Variants in MEIS2 observed in about 807,000 individuals in gnomAD.
The protein encoded by MEIS2 is homeobox protein Meis2.
A neutral mutation model predicts 58.6 loss-of-function variants in MEIS2; 9 were observed. The observed-to-expected ratio is 0.15, with a 90% CI of 0.09 to 0.27. The LOEUF (loss-of-function observed/expected upper bound fraction) is 0.27. Ranked by LOEUF, MEIS2 falls within the 10% of genes least tolerant of loss-of-function variation. The pLI, the probability that MEIS2 is intolerant of heterozygous loss-of-function variation, is 1.00. For synonymous variants in MEIS2, 221 were observed against 228.4 expected (o/e 0.97, Z 0.29); for missense variants, 427 against 635.0 (o/e 0.67, Z 3.52).
At chr15:36,969,061 C>A (rs961891907) in intron 8 of MEIS2, among the ~76,000 whole-genome samples, 1 of 152,188 alleles carries the variant, frequency 6.6e-6, no homozygotes, top group African/African-American at 2.4e-5. Context: ...TATGACATTG[C>A]AGTCATTTTT....
intron 6 of MEIS2, among the ~76,000 whole-genome samples, chr15:37,087,144 C>T (rs758194939): frequency 2.6e-5 from 4 of 152,124 alleles, no homozygotes; most frequent in African/African-American, 4.8e-5. Context: ...CCGTGTATGA[C>T]TGAGCATTCA....
intron 7 of MEIS2, chr15:37,050,839 C>G (rs57391666): frequency 0.23 from 35,239 of 152,052 alleles, 4,326 homozygotes; most frequent in East Asian, 0.36. Flanking sequence ...TAAGACTAGT[C>G]AAAGTGAAAG....
intron 8 of MEIS2, among the ~76,000 whole-genome samples, chr15:37,000,326 G>T (rs2060674798): frequency 6.6e-6 from 1 of 152,144 alleles, no homozygotes; most frequent in African/African-American, 2.4e-5. Context: ...AAGCTAAATA[G>T]AAAATAAGGT....
At chr15:37,096,218 A>G (rs1567295294) in intron 3 of MEIS2, 71 bp downstream of exon 3, 5 of 1,460,108 alleles carry the variant, frequency 3.4e-6, no homozygotes, top group Non-Finnish European at 4.6e-6. Flanking sequence ...CCTCCTTTCA[A>G]GTAAAGCTCC....
chr15:37,090,906 T>A (rs953071798), intron 6 of MEIS2, among the ~76,000 whole-genome samples: 1 of 152,132 alleles, frequency 6.6e-6, no homozygotes, highest in East Asian at 1.9e-4. Context: ...CAGATCAGAA[T>A]AGTGGGCCAA....
intron 7 of MEIS2, among the ~76,000 whole-genome samples, chr15:37,064,165 T>C (rs372651121): frequency 2.0e-5 from 3 of 152,194 alleles, no homozygotes; most frequent in African/African-American, 7.2e-5. Context: ...ACTTAAGATA[T>C]CAAAAGAGAG....
At chr15:36,901,418 T>G (rs2056464533) in intron 9 of MEIS2, among the ~76,000 whole-genome samples, 1 of 152,212 alleles carries the variant, frequency 6.6e-6, no homozygotes, top group East Asian at 1.9e-4. Context: ...TAAGGCAAGC[T>G]TAATGCCTTT....
In MEIS2 at chr15:37,095,611, G is replaced by A; in HGVS notation, c.391C>T (p.Arg131Cys). The A allele has an allele frequency of 6.2e-7, 1 of 1,614,182 alleles. No individual in the cohort carries two copies. The change falls in exon 4 of 12, where the codon CGC (arginine) becomes TGC (cysteine). Residue 131 changes from arginine to cysteine, a missense_variant. Physicochemically the swap from Arg to Cys is radical, Grantham distance 180. Around this residue, in one of 6 missense-constraint regions of MEIS2, gnomAD observed 138 missense variants for 263.0 expected, o/e 0.52. Coordinates refer to ENST00000561208, the MANE Select transcript of MEIS2 (RefSeq NM_170675.5). Reference protein sequence around the residue: ...EDIAVFAKQVRAEKPLFSSNP... With the variant: ...EDIAVFAKQVCAEKPLFSSNP... ...GAGGAAAAAAGTGGCTTTTCGGCGC[G>A]AACCTGTAAGAAACAGAGAGTCAAC...
At chr15:37,078,888 A>T (rs1012387203) in intron 7 of MEIS2, among the ~76,000 whole-genome samples, 9 of 152,080 alleles carry the variant, frequency 5.9e-5, no homozygotes, top group African/African-American at 2.2e-4. Flanking sequence ...GAAATCCCAA[A>T]TCTGGGTTTC....
At chr15:37,056,576 A>G (rs1388401559) in intron 7 of MEIS2, among the ~76,000 whole-genome samples, 1 of 152,178 alleles carries the variant, frequency 6.6e-6, no homozygotes, top group Non-Finnish European at 1.5e-5. Context: ...AAAGTTTTCG[A>G]AACATGTCCC....
At chr15:37,045,774 A>G (rs370615004) in intron 7 of MEIS2, among the ~76,000 whole-genome samples, 26 of 152,282 alleles carry the variant, frequency 1.7e-4, no homozygotes, top group African/African-American at 5.8e-4. Context: ...TGATTAGTTC[A>G]TGGCCCGCTA....
At chr15:37,050,781 A>C (rs533562791) in intron 7 of MEIS2, 4 of 152,342 alleles carry the variant, frequency 2.6e-5, no homozygotes, top group African/African-American at 9.6e-5. Context: ...TTTGGAATAA[A>C]ACAGATCTTG....
At chr15:36,932,105 C>T (rs906040965) in intron 9 of MEIS2, among the ~76,000 whole-genome samples, 3 of 151,916 alleles carry the variant, frequency 2.0e-5, no homozygotes, top group Non-Finnish European at 4.4e-5. Context: ...CAGAGATAAA[C>T]GTTAGGAAAA....
chr15:36,924,802 G>A (rs542238758), intron 9 of MEIS2, among the ~76,000 whole-genome samples: 1 of 152,250 alleles, frequency 6.6e-6, no homozygotes, highest in Non-Finnish European at 1.5e-5. Flanking sequence ...CAAAGAAGTG[G>A]GGTGTCTCCG....
chr15:37,060,351 G>C (rs1889042092), intron 7 of MEIS2, among the ~76,000 whole-genome samples: 1 of 152,092 alleles, frequency 6.6e-6, no homozygotes, highest in African/African-American at 2.4e-5. Context: ...AGTTTTGTTT[G>C]GTGTAATCTA....
chr15:36,920,307 G>A (rs1448304269), intron 9 of MEIS2, among the ~76,000 whole-genome samples: 1 of 151,986 alleles, frequency 6.6e-6, no homozygotes, highest in Non-Finnish European at 1.5e-5. Flanking sequence ...GCGCCACCAC[G>A]CCCGGCTAGT....
At chr15:37,085,331 G>T (rs1892756193) in intron 6 of MEIS2, among the ~76,000 whole-genome samples, 1 of 152,098 alleles carries the variant, frequency 6.6e-6, no homozygotes, top group Admixed American at 6.6e-5. Flanking sequence ...ATTATGTATA[G>T]TTCATCAAGA....
chr15:36,976,415 T>G (rs928027820), intron 8 of MEIS2, among the ~76,000 whole-genome samples: 2 of 151,026 alleles, frequency 1.3e-5, no homozygotes, highest in Admixed American at 6.6e-5. Flanking sequence ...AGAAAGCAAA[T>G]GGAAATGTAA....
intron 8 of MEIS2, among the ~76,000 whole-genome samples, chr15:37,000,815 AC>A (rs2060696172): frequency 1.3e-5 from 2 of 152,162 alleles, no homozygotes; most frequent in African/African-American, 4.8e-5. Flanking sequence ...GAAGCAAAAA[AC>A]AAGCAACTTT....
Sources: allele counts gnomAD v4.1 joint callset (sites outside exome capture counted in the v4.1 genomes callset), GRCh38; gene constraint gnomAD v4.1.1; regional missense constraint gnomAD v4.1.1; transcripts MANE v1.5; gene names NCBI Gene and HGNC (gene_info 2026-07-23, HGNC 2026-07-21).